Variants in IFIT3 observed in about 807,000 individuals in gnomAD.
IFIT3 encodes interferon-induced protein with tetratricopeptide repeats 3.
Under a neutral mutation model 2.4 loss-of-function variants are expected in IFIT3, and 2 were observed. That is an observed-to-expected ratio of 0.82 (90% confidence interval 0.34 to 2.60). The LOEUF (loss-of-function observed/expected upper bound fraction) is 2.60. Among genes scored for constraint, IFIT3 ranks in the 30% most tolerant of loss-of-function variants. IFIT3 has a pLI of 0.11. For synonymous variants in IFIT3, 203 were observed against 212.1 expected (o/e 0.96, Z 0.37); for missense variants, 481 against 562.4 (o/e 0.86, Z 1.46).
intron 1 of IFIT3, among the ~76,000 whole-genome samples, chr10:89,336,146 T>G: frequency 2.0e-5 from 2 of 100,994 alleles, no homozygotes; most frequent in African/African-American, 4.1e-5. Flanking sequence ...AGAAGGAAAA[T>G]AGGGAGGGAG....
intron 1 of IFIT3, chr10:89,332,534 A>T: frequency 6.2e-7 from 1 of 1,612,844 alleles, no homozygotes; most frequent in South Asian, 1.1e-5. Flanking sequence ...CCTGGGTGGA[A>T]ACCTCTTCAG....
chr10:89,332,866 G>T (rs1286520100), intron 1 of IFIT3, among the ~76,000 whole-genome samples: 1 of 152,202 alleles, frequency 6.6e-6, no homozygotes, highest in Non-Finnish European at 1.5e-5. Context: ...CATATTGAGA[G>T]ATCCTAGAGA....
intron 1 of IFIT3, among the ~76,000 whole-genome samples, chr10:89,329,485 C>G (rs544454195): frequency 1.3e-5 from 2 of 152,224 alleles, no homozygotes; most frequent in African/African-American, 4.8e-5. Flanking sequence ...CTGAACTATG[C>G]TGGACTCAGG....
Position 89,338,909 on chromosome 10 carries a change from A to G in IFIT3, c.254A>G (p.His85Arg). 1.2e-6 allele frequency: 2 copies of G among 1,614,192 alleles called. No individual in the cohort carries two copies. Among genetic ancestry groups the G allele is most frequent in the South Asian group, 2.2e-5 (2 of 91,084 alleles). Residue 85 changes from histidine to arginine, a missense_variant, in exon 2 of 2, where the codon CAT (histidine) becomes CGT (arginine). His to Arg is a conservative substitution (Grantham distance 29). Transcript: ENST00000371818. ...RQAEELIQQEHADQAEIRSLV... is the reference protein window; with the variant it reads ...RQAEELIQQERADQAEIRSLV... ...GCTGAAGAGTTAATCCAGCAAGAACATGCTGACCAAGCAGAAATCAGAAGT... is the reference window on the plus strand; with the variant it reads ...GCTGAAGAGTTAATCCAGCAAGAACGTGCTGACCAAGCAGAAATCAGAAGT...
rs1843841729 is a variant in IFIT3, at chr10:89,340,228, G to A, written c.*100G>A. On this transcript the variant is annotated 3_prime_UTR_variant, in exon 2 of 2. Transcript: ENST00000371818. ...GCCCCAACCTGGGATTGCTGAGCAG[G>A]GAAGCTTTGCATGTTGCTCTAAGGT... The A allele has an allele frequency of 7.9e-6, 10 of 1,272,032 alleles. No individual in the cohort carries two copies. The highest frequency in any genetic ancestry group is 1.1e-5 in the Non-Finnish European group (10 of 934,576). The allele number at this position is 1,272,032 out of a possible 1,614,324, so 78.8% of individuals were successfully genotyped here.
chr10:89,328,744 CA>C (rs900805994), intron 1 of IFIT3, among the ~76,000 whole-genome samples: 7 of 152,036 alleles, frequency 4.6e-5, no homozygotes, highest in African/African-American at 1.7e-4. Context: ...TGGTCAGCAG[CA>C]AAAAAAGAAT....
chr10:89,337,420 G>C (rs1430903642), intron 1 of IFIT3, among the ~76,000 whole-genome samples: 2 of 151,808 alleles, frequency 1.3e-5, no homozygotes, highest in East Asian at 3.9e-4. Flanking sequence ...TTTTTTTTGA[G>C]GCAGGGTCCC....
intron 1 of IFIT3, among the ~76,000 whole-genome samples, chr10:89,329,139 G>C (rs994288586): frequency 2.0e-5 from 3 of 152,134 alleles, no homozygotes; most frequent in Non-Finnish European, 2.9e-5. Context: ...GGAGGTGATT[G>C]CCAGGGAGGG....
chr10:89,329,792 C>A (rs1261796612), intron 1 of IFIT3, among the ~76,000 whole-genome samples: 4 of 152,142 alleles, frequency 2.6e-5, no homozygotes, highest in African/African-American at 9.7e-5. Flanking sequence ...TGTGAAGAGA[C>A]CACCAAACAG....
At chr10:89,329,603 ACTC>A (rs1391137894) in intron 1 of IFIT3, among the ~76,000 whole-genome samples, 40 of 152,130 alleles carry the variant, frequency 2.6e-4, no homozygotes, top group African/African-American at 8.7e-4. Context: ...CACCTGGAGA[ACTC>A]ACTGGCACGT....
rs924166973 is a variant in IFIT3, at chr10:89,339,855, C to T, written c.1200C>T (p.Asp400=). Residue 400 remains aspartate (D), a synonymous_variant, in exon 2 of 2, where the codon GAC becomes GAT. Coordinates refer to ENST00000371818, the MANE Select transcript of IFIT3 (RefSeq NM_001549.6). ...CAACTGACAAGGAAGAGATCAAAGA[C>T]CAACCACAGAATGTATCTGAAAATC... ...KKSTDKEEIK[D]QPQNVSENLL... 12 of 1,614,162 alleles carry T rather than the reference C, an allele frequency of 7.4e-6. 1 individual carries two copies. Among genetic ancestry groups the T allele is most frequent in the Non-Finnish European group, 8.5e-6 (10 of 1,180,012 alleles).
rs1327135366 is a variant in IFIT3 at position 89,340,419 on chromosome 10, G to A, written c.*291G>A. 1.3e-4 allele frequency: 27 copies of A among 200,202 alleles called. No homozygotes were observed. The highest frequency in any genetic ancestry group is 1.1e-3 in the Admixed American group (20 of 18,854). The allele number at this position is 200,202 out of a possible 1,614,324, so 12.4% of individuals were successfully genotyped here. A position where few individuals can be genotyped will look rare whatever the true frequency, so the allele number is the denominator to read the frequency against. On this transcript the variant is annotated 3_prime_UTR_variant, in exon 2 of 2. Coordinates refer to ENST00000371818, the MANE Select transcript of IFIT3 (RefSeq NM_001549.6). Reference sequence around the variant, plus strand: ...TAAAAATACAAAAAATTAGCCAGGCGTGGTGGCTGGCACCTGTAGTCCCAG... The same window carrying A: ...TAAAAATACAAAAAATTAGCCAGGCATGGTGGCTGGCACCTGTAGTCCCAG...
At chr10:89,331,701 A>C (rs1342138121) in intron 1 of IFIT3, among the ~76,000 whole-genome samples, 15 of 151,886 alleles carry the variant, frequency 9.9e-5, no homozygotes, top group Non-Finnish European at 1.8e-4. Flanking sequence ...TGTACTAAAA[A>C]TACAAAAATC....
At chr10:89,337,599 C>T (rs1564791396) in intron 1 of IFIT3, among the ~76,000 whole-genome samples, 1 of 152,100 alleles carries the variant, frequency 6.6e-6, no homozygotes, top group Non-Finnish European at 1.5e-5. Context: ...AGGCTTTCGC[C>T]ATGTTGCCCA....
intron 1 of IFIT3, among the ~76,000 whole-genome samples, 157 bp from the exon 2 acceptor site, chr10:89,338,504 T>A (rs1843784234): frequency 6.6e-6 from 1 of 152,204 alleles, no homozygotes; most frequent in Non-Finnish European, 1.5e-5. Flanking sequence ...CATGTTCATG[T>A]CTTCCAGAAA....
chr10:89,329,877 G>A (rs1370532100), intron 1 of IFIT3, among the ~76,000 whole-genome samples: 1 of 152,106 alleles, frequency 6.6e-6, no homozygotes, highest in African/African-American at 2.4e-5. Flanking sequence ...AGTCAGGGAA[G>A]GGAGATAGGG....
intron 1 of IFIT3, among the ~76,000 whole-genome samples, chr10:89,328,875 G>C (rs1414114326): frequency 6.6e-6 from 1 of 152,166 alleles, no homozygotes; most frequent in African/African-American, 2.4e-5. Flanking sequence ...GCTCCCAAAA[G>C]AATCTTTTTA....
In IFIT3 at chr10:89,339,817, A is replaced by G. The variant is rs765397233; in HGVS notation, c.1162A>G (p.Ile388Val). The change falls in exon 2 of 2, where the codon ATA becomes GTA. Residue 388 changes from isoleucine (I) to valine (V), a missense_variant. Transcript: ENST00000371818. ...GCAACATGGTTTAGAGGGTTTGTCC[A>G]TAAGCAAAAAATCAACTGACAAGGA... ...AVQHGLEGLS[I>V]SKKSTDKEEI... The G allele has an allele frequency of 1.9e-6, 3 of 1,614,238 alleles. No individual in the cohort carries two copies. Among genetic ancestry groups the G allele is most frequent in the Non-Finnish European group, 2.5e-6 (3 of 1,180,034 alleles).
chr10:89,335,933 T>C (rs1843731633), intron 1 of IFIT3, among the ~76,000 whole-genome samples: 1 of 152,196 alleles, frequency 6.6e-6, no homozygotes, highest in Non-Finnish European at 1.5e-5. Flanking sequence ...GACTTTTGAC[T>C]TGTAGTCCTT....
Sources: allele counts gnomAD v4.1 joint callset (sites outside exome capture counted in the v4.1 genomes callset), GRCh38; gene constraint gnomAD v4.1.1; transcripts MANE v1.5; gene names NCBI Gene and HGNC (gene_info 2026-07-23, HGNC 2026-07-21).